Variants in SCN10A observed in about 807,000 individuals in gnomAD.
The protein encoded by SCN10A is sodium channel protein type 10 subunit alpha.
In SCN10A, 162 loss-of-function variants were observed where a neutral mutation model predicts 170.7. The observed-to-expected ratio is 0.95, with a 90% CI of 0.84 to 1.08. SCN10A has a LOEUF of 1.08. Ranked by LOEUF, SCN10A falls within the 50% of genes least tolerant of loss-of-function variation. SCN10A has a pLI of 0.00. For missense variants in SCN10A, 2,527 were observed against 2,436.9 expected (o/e 1.04, Z -0.78); for synonymous variants, 985 against 904.6 (o/e 1.09, Z -1.59).
chr3:38,760,882 G>A, intron 7 of SCN10A, 135 bp from the exon 8 acceptor site: 1 of 697,832 alleles, frequency 1.4e-6, no homozygotes, highest in South Asian at 1.8e-5. Context: ...GGCATGCTGG[G>A]CCACATGGAA....
At chr3:38,761,114 G>T (rs989782910) in intron 7 of SCN10A, 78 bp downstream of exon 7, 1 of 1,165,710 alleles carries the variant, frequency 8.6e-7, no homozygotes, top group African/African-American at 1.5e-5. Flanking sequence ...ACACACACAG[G>T]GGCTCCATAT....
At chr3:38,799,147 T>C (rs1386152357) in intron 1 of SCN10A, among the ~76,000 whole-genome samples, 2 of 152,144 alleles carry the variant, frequency 1.3e-5, no homozygotes, top group African/African-American at 2.4e-5. Flanking sequence ...AAAGATCCCA[T>C]GTCTCCCAGA....
intron 25 of SCN10A, 136 bp from the exon 26 acceptor site, chr3:38,707,519 G>A: frequency 1.2e-6 from 1 of 841,638 alleles, no homozygotes; most frequent in South Asian, 1.7e-5. Context: ...CCAGCATCAA[G>A]GAGTGTCTTG....
chr3:38,773,231 T>A (rs2064030700), intron 4 of SCN10A, among the ~76,000 whole-genome samples: 1 of 151,850 alleles, frequency 6.6e-6, no homozygotes, highest in South Asian at 2.1e-4. Context: ...ACTTGGGAGG[T>A]TGAGGCAGGA....
At chr3:38,726,371 G>A (rs549087044) in intron 17 of SCN10A, among the ~76,000 whole-genome samples, 16 of 152,296 alleles carry the variant, frequency 1.1e-4, no homozygotes, top group African/African-American at 3.9e-4. Context: ...CAATCCCCAA[G>A]CACCTCAAGG....
At chr3:38,803,796 A>G (rs896568058) in intron 1 of SCN10A, among the ~76,000 whole-genome samples, 1 of 152,098 alleles carries the variant, frequency 6.6e-6, no homozygotes. Context: ...CTTAAAGTAT[A>G]TAAAAAAAAC....
chr3:38,790,876 AT>A (rs1456630746), intron 3 of SCN10A, among the ~76,000 whole-genome samples: 1 of 152,216 alleles, frequency 6.6e-6, no homozygotes, highest in African/African-American at 2.4e-5. Flanking sequence ...TTGTCATTAA[AT>A]ATCCTTCTGT....
intron 1 of SCN10A, among the ~76,000 whole-genome samples, chr3:38,800,625 C>G (rs2126064185): frequency 6.6e-6 from 1 of 152,012 alleles, no homozygotes; most frequent in South Asian, 2.1e-4. Flanking sequence ...CTTATTCGTT[C>G]TAGGAAACTC....
rs753384202 is a variant in SCN10A, at chr3:38,742,380, AGGTGAT to A, written c.2011_2016del (p.Ile671_Thr672del). On this transcript the variant is annotated inframe_deletion, in exon 14 of 28. Coordinates refer to ENST00000449082, the MANE Select transcript of SCN10A (RefSeq NM_006514.4). ...AAGATGGTGTTCACCACGATGCACA[AGGTGAT>A]GGTGAGCTCTGCAAAGGGATCCGTC... is the stretch of plus-strand genomic sequence containing the variant. The A allele has an allele frequency of 6.2e-7, 1 of 1,614,186 alleles. No individual in the cohort carries two copies. The highest frequency in any genetic ancestry group is 8.5e-7 in the Non-Finnish European group (1 of 1,180,012).
At chr3:38,758,784 C>A (rs761787288) in intron 8 of SCN10A, among the ~76,000 whole-genome samples, 1 of 152,190 alleles carries the variant, frequency 6.6e-6, no homozygotes, top group Non-Finnish European at 1.5e-5. Flanking sequence ...GCCTGGCTGG[C>A]ACCTGCCCAA....
At chr3:38,802,890 A>C (rs1438403545) in intron 1 of SCN10A, among the ~76,000 whole-genome samples, 7 of 152,234 alleles carry the variant, frequency 4.6e-5, no homozygotes, top group African/African-American at 1.7e-4. Context: ...AAATTTTTGC[A>C]ATCTACTCAT....
chr3:38,728,713 G>A lies in SCN10A; in HGVS notation c.2469C>T (p.Pro823=). 1 of 1,614,102 alleles carries A rather than the reference G, an allele frequency of 6.2e-7. No individual in the cohort carries two copies. Among genetic ancestry groups the A allele is most frequent in the South Asian group, 1.1e-5 (1 of 91,064 alleles). ...TGTGCCAGCGGGGCCAGTCTTCATG[G>A]GGCGCGGAGATATTTTTTCGGTTGT... The part of the protein sequence containing the change: ...YRNNRKNISA[P]HEDWPRWHMH... Residue 823 remains proline, a synonymous_variant, in exon 16 of 28, where the codon CCC becomes CCT. Transcript: ENST00000449082.
chr3:38,708,639 C>A (rs2063236925), intron 25 of SCN10A, among the ~76,000 whole-genome samples: 1 of 152,202 alleles, frequency 6.6e-6, no homozygotes, highest in Non-Finnish European at 1.5e-5. Context: ...AACTGCACCA[C>A]CAAAGTTGTC....
chr3:38,722,598 G>T (rs2063405552), intron 19 of SCN10A, among the ~76,000 whole-genome samples, 186 bp from the exon 20 acceptor site: 1 of 152,332 alleles, frequency 6.6e-6, no homozygotes, highest in East Asian at 1.9e-4. Flanking sequence ...ACCAACAGGT[G>T]TTCCTCTCCA....
intron 7 of SCN10A, among the ~76,000 whole-genome samples, chr3:38,760,963 T>G (rs2063863118): frequency 6.6e-6 from 1 of 152,118 alleles, no homozygotes; most frequent in African/African-American, 2.4e-5. Context: ...CCAGCAGAGG[T>G]AGAATGACTT....
rs570093154 is a variant in SCN10A, at chr3:38,719,214, C to A, written c.3508-388G>T. Reference sequence around the variant, plus strand: ...AGTTTACAAAAATGAAAGTAAGAATCGCCAACACACCTCTGAAAAAGAATG... The same window carrying A: ...AGTTTACAAAAATGAAAGTAAGAATAGCCAACACACCTCTGAAAAAGAATG... On this transcript the variant is annotated intron_variant, in intron 20 of 27. Transcript: ENST00000449082. Among the ~76,000 whole-genome samples the A allele has an allele frequency of 4.6e-5, 7 of 152,226 alleles. No homozygotes were observed. The South Asian group carries it at 1.5e-3, about 32-fold the overall frequency.
chr3:38,778,812 T>C (rs2064104967), intron 4 of SCN10A, among the ~76,000 whole-genome samples: 1 of 152,092 alleles, frequency 6.6e-6, no homozygotes, highest in Admixed American at 6.6e-5. Context: ...GAAAATCTAG[T>C]CTGATTATTT....
intron 1 of SCN10A, among the ~76,000 whole-genome samples, chr3:38,807,724 T>C (rs2064414348): frequency 6.6e-6 from 1 of 152,206 alleles, no homozygotes; most frequent in African/African-American, 2.4e-5. Flanking sequence ...ACTATCCACC[T>C]GTTCTTTCTG....
At chr3:38,714,965 G>A (rs193068892) in intron 21 of SCN10A, among the ~76,000 whole-genome samples, 55 of 152,334 alleles carry the variant, frequency 3.6e-4, no homozygotes, top group Non-Finnish European at 6.9e-4. Flanking sequence ...TGGCAGTTAG[G>A]TGGGATGCAC....
Sources: gnomAD v4.1 joint callset for allele counts (sites outside exome capture counted in the v4.1 genomes callset) on GRCh38, gnomAD v4.1.1 for gene constraint, MANE v1.5 for transcripts, NCBI Gene and HGNC (gene_info 2026-07-23, HGNC 2026-07-21) for gene names.